ST3GAL3: variants seen among roughly 807,000 people sequenced by gnomAD.
The protein encoded by ST3GAL3 is CMP-N-acetylneuraminate-beta-1,4-galactoside alpha-2,3-sialyltransferase.
Under a neutral mutation model 50.1 loss-of-function variants are expected in ST3GAL3, and 21 were observed. That is an observed-to-expected ratio of 0.42 (90% confidence interval 0.30 to 0.60). ST3GAL3 has a LOEUF of 0.60. ST3GAL3 is among the 20% of genes least tolerant of loss of function. The pLI, the probability that ST3GAL3 is intolerant of heterozygous loss-of-function variation, is 0.19. For missense variants in ST3GAL3, 353 were observed against 489.4 expected (o/e 0.72, Z 2.63); for synonymous variants, 183 against 190.0 (o/e 0.96, Z 0.30).
intron 5 of ST3GAL3, among the ~76,000 whole-genome samples, chr1:43,857,904 CCA>C (rs1231718252): frequency 6.6e-6 from 1 of 152,134 alleles, no homozygotes; most frequent in Non-Finnish European, 1.5e-5. Context: ...GCGTGAGCCA[CCA>C]CGCCTGGCCT....
intron 2 of ST3GAL3, among the ~76,000 whole-genome samples, chr1:43,782,205 G>A (rs528400517): frequency 6.6e-5 from 10 of 152,136 alleles, no homozygotes; most frequent in South Asian, 6.2e-4. Flanking sequence ...CTACTCCCTT[G>A]TATTCTGTGG....
intron 1 of ST3GAL3, among the ~76,000 whole-genome samples, chr1:43,728,490 A>G (rs1674051186): frequency 1.3e-5 from 2 of 152,322 alleles, no homozygotes; most frequent in South Asian, 4.1e-4. Flanking sequence ...CACGCCTGTA[A>G]TCCCAGCACT....
In ST3GAL3 at chr1:43,930,232, C is replaced by A. The variant is rs1276172803; in HGVS notation, c.*11C>A. The A allele has an allele frequency of 1.2e-6, 2 of 1,612,342 alleles. No homozygotes were observed. Among genetic ancestry groups the A allele is most frequent in the Admixed American group, 3.3e-5 (2 of 60,026 alleles). On this transcript the variant is annotated 3_prime_UTR_variant, in exon 12 of 12. Coordinates refer to ENST00000347631, the MANE Select transcript of ST3GAL3 (RefSeq NM_006279.5). ...AGCAGTGGCATCTGAGTGGGCCCAG[C>A]ACATGGCCATAGAGGCCCAGGCACC...
Position 43,744,688 on chromosome 1 carries a change from A to AAATAAAT in ST3GAL3, c.118+8310_118+8311insTAAATAA, listed in dbSNP as rs1228939710. On this transcript the variant is annotated intron_variant, in intron 2 of 11. Transcript: ENST00000347631. ...TAAATAAATAAATAAATAAATAAAT[A>AAATAAAT]AAATAAAATAAAAAATAAAATAAAA... Among the ~76,000 whole-genome samples, 461 of 120,290 alleles carry AAATAAAT rather than the reference A, an allele frequency of 3.8e-3. 2 individuals are homozygous for AAATAAAT. Among genetic ancestry groups the AAATAAAT allele is most frequent in the African/African-American group, 0.012 (415 of 34,004 alleles). The allele number at this position is 120,290 out of a possible 152,430, so 78.9% of individuals were successfully genotyped here. A position where few individuals can be genotyped will look rare whatever the true frequency, so the allele number is the denominator to read the frequency against.
intron 5 of ST3GAL3, among the ~76,000 whole-genome samples, chr1:43,867,428 G>T (rs2071607875): frequency 6.6e-6 from 1 of 152,196 alleles, no homozygotes; most frequent in African/African-American, 2.4e-5. Context: ...ATTTGATTGT[G>T]TGCATAATGA....
intron 2 of ST3GAL3, among the ~76,000 whole-genome samples, chr1:43,791,320 A>C (rs1174300965): frequency 6.6e-6 from 1 of 152,206 alleles, no homozygotes; most frequent in African/African-American, 2.4e-5. Context: ...AAAGATCAAT[A>C]AGGATAGAGA....
chr1:43,720,854 A>C (rs1445656242), intron 1 of ST3GAL3, among the ~76,000 whole-genome samples: 1 of 152,250 alleles, frequency 6.6e-6, no homozygotes, highest in African/African-American at 2.4e-5. Context: ...TTATTCAGCC[A>C]AAAAGTAGAA....
intron 5 of ST3GAL3, among the ~76,000 whole-genome samples, chr1:43,858,802 T>C (rs554439440): frequency 1.3e-5 from 2 of 152,232 alleles, no homozygotes; most frequent in South Asian, 4.2e-4. Context: ...CTCTGACTGG[T>C]CTCCCCAAAT....
intron 7 of ST3GAL3, chr1:43,898,933 C>T: frequency 1.7e-6 from 1 of 586,418 alleles, no homozygotes; most frequent in Non-Finnish European, 3.0e-6. Flanking sequence ...TTCCATGGCC[C>T]TGTTTTCCTG....
chr1:43,878,956 C>G, intron 5 of ST3GAL3: 1 of 452,994 alleles, frequency 2.2e-6, no homozygotes, highest in Non-Finnish European at 4.4e-6. Flanking sequence ...TAATTACACC[C>G]TCCAGATAAT....
intron 5 of ST3GAL3, among the ~76,000 whole-genome samples, chr1:43,870,005 G>T (rs77933178): frequency 0.036 from 5,499 of 152,212 alleles, 129 homozygotes; most frequent in East Asian, 0.13. Flanking sequence ...GTCCGCATGT[G>T]GTATCTGAGA....
chr1:43,911,667 C>A (rs2080935985), intron 9 of ST3GAL3, among the ~76,000 whole-genome samples: 2 of 144,166 alleles, frequency 1.4e-5, no homozygotes, highest in Admixed American at 6.7e-5. Flanking sequence ...CTATAGATAT[C>A]TATAGATATA....
chr1:43,914,003 C>T (rs2081368262), intron 9 of ST3GAL3: 1 of 152,194 alleles, frequency 6.6e-6, no homozygotes, highest in Non-Finnish European at 1.5e-5. Context: ...CACCAGTAAT[C>T]GTGACACACT....
At chr1:43,809,885 C>T (rs984520970) in intron 3 of ST3GAL3, among the ~76,000 whole-genome samples, 3 of 150,810 alleles carry the variant, frequency 2.0e-5, no homozygotes, top group African/African-American at 7.3e-5. Context: ...CCCAGCTACT[C>T]GGGAGGCTGA....
chr1:43,813,766 C>T (rs766002716), intron 3 of ST3GAL3, among the ~76,000 whole-genome samples: 1 of 152,002 alleles, frequency 6.6e-6, no homozygotes, highest in Admixed American at 6.6e-5. Flanking sequence ...TGGCCTTTTC[C>T]ATCCAGTATT....
At chr1:43,712,661 G>A (rs1665359865) in intron 1 of ST3GAL3, among the ~76,000 whole-genome samples, 1 of 152,000 alleles carries the variant, frequency 6.6e-6, no homozygotes, top group Admixed American at 6.5e-5. Context: ...ATGAGTACTG[G>A]TTTTCTAGGG....
intron 9 of ST3GAL3, among the ~76,000 whole-genome samples, chr1:43,901,590 A>T (rs2078281694): frequency 6.6e-6 from 1 of 152,252 alleles, no homozygotes; most frequent in Non-Finnish European, 1.5e-5. Context: ...TACTCAGGCT[A>T]CTCAGGAAGC....
intron 1 of ST3GAL3, among the ~76,000 whole-genome samples, chr1:43,709,061 A>G (rs1189805762): frequency 4.6e-5 from 7 of 152,192 alleles, no homozygotes; most frequent in Admixed American, 1.3e-4. Context: ...CATGTGTTTG[A>G]GGAAGGTTTC....
chr1:43,751,461 A>G (rs545997574), intron 2 of ST3GAL3, among the ~76,000 whole-genome samples: 71 of 152,382 alleles, frequency 4.7e-4, no homozygotes, highest in Non-Finnish European at 7.9e-4. Context: ...AATGGAAACA[A>G]TAAAAGATTG....
Sources: gnomAD v4.1 joint callset for allele counts (sites outside exome capture counted in the v4.1 genomes callset) on GRCh38, gnomAD v4.1.1 for gene constraint, MANE v1.5 for transcripts, NCBI Gene and HGNC (gene_info 2026-07-23, HGNC 2026-07-21) for gene names.